NAALAD2: variants seen among roughly 807,000 people sequenced by gnomAD.
The protein encoded by NAALAD2 is N-acetylated alpha-linked acidic dipeptidase 2, also known as N-acetylated-alpha-linked acidic dipeptidase 2.
NAALAD2 carries 89 observed loss-of-function variants against 95.6 expected under a neutral mutation model. The ratio of observed to expected loss-of-function variants is 0.93; its 90% CI spans 0.78 to 1.11. The LOEUF (loss-of-function observed/expected upper bound fraction) is 1.11. NAALAD2 is among the 50% of genes least tolerant of loss of function. NAALAD2 has a pLI of 0.00. For missense variants in NAALAD2, 894 were observed against 872.4 expected (o/e 1.02, Z -0.31); for synonymous variants, 264 against 294.4 (o/e 0.90, Z 1.06).
chr11:90,168,751 T>A (rs1952550833), intron 11 of NAALAD2, among the ~76,000 whole-genome samples, 178 bp from the exon 12 acceptor site: 1 of 152,222 alleles, frequency 6.6e-6, no homozygotes, highest in South Asian at 2.1e-4. Flanking sequence ...ATTGCGTAAT[T>A]GTTGTTAACA....
At chr11:90,146,476 A>G (rs1226015359) in intron 2 of NAALAD2, among the ~76,000 whole-genome samples, 1 of 148,854 alleles carries the variant, frequency 6.7e-6, no homozygotes, top group Non-Finnish European at 1.5e-5. Flanking sequence ...CTCCTGCCTC[A>G]GTCTCCCAAG....
intron 16 of NAALAD2, 67 bp from the exon 17 acceptor site, chr11:90,181,553 G>C (rs1313935101): frequency 6.7e-6 from 7 of 1,043,656 alleles, no homozygotes; most frequent in Non-Finnish European, 1.0e-5. Context: ...CTGGAATGGG[G>C]AGGGTGGGAA....
At chr11:90,189,230 A>T (rs571525872) in intron 18 of NAALAD2, among the ~76,000 whole-genome samples, 1 of 152,208 alleles carries the variant, frequency 6.6e-6, no homozygotes, top group Admixed American at 6.5e-5. Flanking sequence ...TAGTGCCTCC[A>T]GGAAGGAATG....
At chr11:90,186,833 A>C (rs1857158336) in intron 18 of NAALAD2, among the ~76,000 whole-genome samples, 3 of 143,114 alleles carry the variant, frequency 2.1e-5, no homozygotes, top group Admixed American at 7.2e-5. Flanking sequence ...AATGGGATCT[A>C]ATTAAACTAA....
chr11:90,154,903 C>A (rs1171054459), intron 6 of NAALAD2, among the ~76,000 whole-genome samples: 1 of 93,044 alleles, frequency 1.1e-5, no homozygotes, highest in South Asian at 3.7e-4. Flanking sequence ...ATATTATATA[C>A]GTATACATAT....
At chr11:90,159,813 T>C (rs1004152540) in intron 8 of NAALAD2, among the ~76,000 whole-genome samples, 3 of 151,268 alleles carry the variant, frequency 2.0e-5, no homozygotes, top group African/African-American at 7.3e-5. Context: ...TAGCCAGGTG[T>C]GATGGTGGTG....
At position 90,191,547 on chromosome 11, in the gene NAALAD2, C is replaced by A; in HGVS notation, c.2034-11C>A. ...ACTTTAGTTCAATTTGCCTTGTTTT[C>A]TTCCTTTTAGGCACATCATATTTGC... On this transcript the variant is annotated splice_polypyrimidine_tract_variant and intron_variant, in intron 18 of 18. Transcript: ENST00000534061. 6.5e-7 allele frequency: 1 copy of A among 1,536,158 alleles called. No homozygotes were observed. The highest frequency in any genetic ancestry group is 1.3e-5 in the South Asian group (1 of 75,882).
At chr11:90,155,030 T>C (rs552819850) in intron 6 of NAALAD2, among the ~76,000 whole-genome samples, 2 of 123,544 alleles carry the variant, frequency 1.6e-5, no homozygotes, top group Non-Finnish European at 3.1e-5. Context: ...ATACATAATA[T>C]GTATATATGT....
intron 6 of NAALAD2, among the ~76,000 whole-genome samples, chr11:90,157,445 T>A (rs1461917659): frequency 6.6e-6 from 1 of 152,124 alleles, no homozygotes; most frequent in Non-Finnish European, 1.5e-5. Flanking sequence ...ATGTTTCTCA[T>A]TTTTTCCCAA....
intron 7 of NAALAD2, 149 bp from the exon 8 acceptor site, chr11:90,159,090 A>T: frequency 1.6e-6 from 1 of 644,800 alleles, no homozygotes. Flanking sequence ...AATAAGCTCC[A>T]CAAAGGGCGG....
At position 90,155,082 on chromosome 11, in the gene NAALAD2, A is replaced by G. The variant is rs111218995; in HGVS notation, c.796+2598A>G. On this transcript the variant is annotated intron_variant, in intron 6 of 18. Transcript: ENST00000534061. ...CATATACATATGTATATATGTGTGT[A>G]TATATATTATATACGTATACATATG... 8.0e-3 allele frequency among the ~76,000 whole-genome samples: 991 copies of G among 123,278 alleles called. 30 individuals are homozygous for G. Among genetic ancestry groups the G allele is most frequent in the African/African-American group, 0.034 (947 of 27,742 alleles). The allele number at this position is 123,278 out of a possible 152,430, so 80.9% of individuals were successfully genotyped here.
intron 18 of NAALAD2, 76 bp from the exon 19 acceptor site, chr11:90,191,480 ATC>A (rs1348326960): frequency 4.0e-6 from 4 of 1,010,880 alleles, no homozygotes; most frequent in Non-Finnish European, 2.7e-6. Flanking sequence ...ACAAGGAAAC[ATC>A]ATGTGGTCTA....
intron 15 of NAALAD2, 111 bp from the exon 16 acceptor site, chr11:90,177,742 C>T (rs1193822658): frequency 1.8e-6 from 2 of 1,125,520 alleles, no homozygotes; most frequent in African/African-American, 1.6e-5. Flanking sequence ...TGTGAGCCAC[C>T]ATGACTGGCT....
intron 8 of NAALAD2, 21 bp downstream of exon 8, chr11:90,159,358 T>C (rs751964506): frequency 6.4e-7 from 1 of 1,558,208 alleles, no homozygotes; most frequent in Non-Finnish European, 8.8e-7. Context: ...ATTACTTTAA[T>C]AGTCTGAAAA....
chr11:90,150,350 G>C, intron 4 of NAALAD2, 132 bp from the exon 5 acceptor site: 1 of 459,566 alleles, frequency 2.2e-6, no homozygotes, highest in East Asian at 3.4e-5. Context: ...TAATTACTGT[G>C]GGTCTGTTTA....
chr11:90,161,122 A>G (rs1257680939), intron 8 of NAALAD2, among the ~76,000 whole-genome samples: 1 of 152,206 alleles, frequency 6.6e-6, no homozygotes, highest in African/African-American at 2.4e-5. Context: ...TAGAATTTAC[A>G]TATGAGAGCC....
intron 6 of NAALAD2, among the ~76,000 whole-genome samples, chr11:90,153,486 C>T (rs1951945156): frequency 6.6e-6 from 1 of 152,060 alleles, no homozygotes; most frequent in African/African-American, 2.4e-5. Context: ...CTAACAGATG[C>T]ATACAACTTC....
At chr11:90,163,933 ATTTAC>A (rs1436363213) in intron 11 of NAALAD2, 1 of 451,448 alleles carries the variant, frequency 2.2e-6, no homozygotes, top group Non-Finnish European at 3.9e-6. Context: ...TTTGATGATA[ATTTAC>A]TTATCTAAAA....
rs951414588 is a variant in NAALAD2 at position 90,156,196 on chromosome 11, A to T, written c.797-1949A>T. ...AGATAACTAGCTTTGGGTTTCATTG[A>T]TTATCTTTACTATTATTTTTGTTTC... is the stretch of plus-strand genomic sequence containing the variant. On this transcript the variant is annotated intron_variant, in intron 6 of 18. Coordinates refer to ENST00000534061, the MANE Select transcript of NAALAD2 (RefSeq NM_005467.4). Among the ~76,000 whole-genome samples the T allele has an allele frequency of 1.1e-4, 17 of 151,678 alleles. No individual in the cohort carries two copies. In the South Asian group the frequency reaches 3.3e-3, roughly 30 times the overall value.
Sources: allele counts gnomAD v4.1 joint callset (sites outside exome capture counted in the v4.1 genomes callset), GRCh38; gene constraint gnomAD v4.1.1; transcripts MANE v1.5; gene names NCBI Gene and HGNC (gene_info 2026-07-23, HGNC 2026-07-21).